Variants in TRHDE observed in about 807,000 individuals in gnomAD.
TRHDE encodes the protein thyrotropin releasing hormone degrading enzyme, also known as thyrotropin-releasing hormone-degrading ectoenzyme.
Under a neutral mutation model 125.7 loss-of-function variants are expected in TRHDE, and 72 were observed. That is an observed-to-expected ratio of 0.57 (90% CI 0.47 to 0.70). The LOEUF (loss-of-function observed/expected upper bound fraction) is 0.70. TRHDE is among the 30% of genes least tolerant of loss of function. The pLI, the probability that TRHDE is intolerant of heterozygous loss-of-function variation, is 0.00. For missense variants in TRHDE, 1,110 were observed against 1,327.1 expected, an observed-to-expected ratio of 0.84 and a Z score of 2.54; for synonymous variants, 509 against 509.1, an observed-to-expected ratio of 1.00 and a Z score of 0.00.
intron 6 of TRHDE, among the ~76,000 whole-genome samples, chr12:72,523,980 A>G (rs1868291235): frequency 1.3e-5 from 2 of 152,158 alleles, no homozygotes; most frequent in African/African-American, 4.8e-5. Flanking sequence ...GGTGATGATT[A>G]TTTACCTCAC....
intron 2 of TRHDE, among the ~76,000 whole-genome samples, chr12:72,357,854 T>C (rs1870891602): frequency 6.6e-6 from 1 of 151,420 alleles, no homozygotes; most frequent in Non-Finnish European, 1.5e-5. Flanking sequence ...CAATAAAATG[T>C]ATTTAAAAAA....
In TRHDE at chr12:72,359,416, A is replaced by G. The variant is rs563720273; in HGVS notation, c.1189-18579A>G. On this transcript the variant is annotated intron_variant, in intron 2 of 18. Coordinates refer to ENST00000261180, the MANE Select transcript of TRHDE (RefSeq NM_013381.3). ...CTAGAAATCCTTACTGAGACAAGCC[A>G]ATACAAAACAACACAGAAAAACTAT... Among the ~76,000 whole-genome samples the G allele has an allele frequency of 2.6e-5, 4 of 151,784 alleles. No homozygotes were observed. In the East Asian group the frequency reaches 5.9e-4, roughly 22 times the overall value.
At position 72,583,922 on chromosome 12, in the gene TRHDE, A is replaced by C. The variant is rs1227376883; in HGVS notation, c.2321+8380A>C. ...GGCTTGTGGCTCTAAAGGATGACAA[A>C]CTTTTTTTTTTTTTTTTTTTTTTTT... is the stretch of plus-strand genomic sequence containing the variant. On this transcript the variant is annotated intron_variant, in intron 12 of 18. Coordinates refer to ENST00000261180, the MANE Select transcript of TRHDE (RefSeq NM_013381.3). Among the ~76,000 whole-genome samples, 9 of 76,962 alleles carry C rather than the reference A, an allele frequency of 1.2e-4. 1 individual carries two copies. The highest frequency in any genetic ancestry group is 1.6e-4 in the Non-Finnish European group (7 of 44,910). 50.5% of individuals were successfully genotyped at this position (76,962 alleles called of 152,430 possible). A position where few individuals can be genotyped will look rare whatever the true frequency, so the allele number is the denominator to read the frequency against.
chr12:72,569,755 T>C (rs1053503151), intron 10 of TRHDE, among the ~76,000 whole-genome samples: 1 of 152,218 alleles, frequency 6.6e-6, no homozygotes, highest in African/African-American at 2.4e-5. Flanking sequence ...ATATGAAGCA[T>C]TGATAAGTAA....
intron 2 of TRHDE, among the ~76,000 whole-genome samples, chr12:72,369,056 A>C (rs1871459070): frequency 6.6e-6 from 1 of 152,194 alleles, no homozygotes. Flanking sequence ...TGAGATGACC[A>C]AAGGGGTTGA....
intron 6 of TRHDE, among the ~76,000 whole-genome samples, chr12:72,516,855 G>A (rs1279472128): frequency 1.3e-5 from 2 of 152,040 alleles, no homozygotes. Flanking sequence ...TTAGCATGAA[G>A]CGTTGTTGAA....
At chr12:72,540,062 T>G (rs1316538502) in intron 6 of TRHDE, among the ~76,000 whole-genome samples, 1 of 151,826 alleles carries the variant, frequency 6.6e-6, no homozygotes, top group African/African-American at 2.4e-5. Context: ...GGTTGTGATC[T>G]TTGTTATAAT....
At chr12:72,137,700 TCTC>T (rs1244314145) in intron 2 of TRHDE, 1 of 152,232 alleles carries the variant, frequency 6.6e-6, no homozygotes, top group South Asian at 2.1e-4. Flanking sequence ...TTAGAACTAT[TCTC>T]CTTCAGGAGA....
chr12:72,202,672 T>C (rs1431805939), intron 2 of TRHDE, among the ~76,000 whole-genome samples: 1 of 152,206 alleles, frequency 6.6e-6, no homozygotes, highest in Non-Finnish European at 1.5e-5. Context: ...CCTGTGGGAA[T>C]CTTGACCATT....
At chr12:72,583,300 C>G (rs989870562) in intron 12 of TRHDE, among the ~76,000 whole-genome samples, 2 of 152,232 alleles carry the variant, frequency 1.3e-5, no homozygotes, top group Admixed American at 1.3e-4. Flanking sequence ...TTGTTATCCT[C>G]TCAGCCTTTC....
intron 2 of TRHDE, among the ~76,000 whole-genome samples, chr12:72,332,150 T>A (rs1034823675): frequency 4.6e-5 from 7 of 151,952 alleles, no homozygotes; most frequent in African/African-American, 1.7e-4. Context: ...CAAACTCTTT[T>A]TTTTTTGAGA....
chr12:72,585,394 G>T (rs1247686899), intron 12 of TRHDE, among the ~76,000 whole-genome samples: 2 of 152,028 alleles, frequency 1.3e-5, no homozygotes, highest in African/African-American at 4.8e-5. Context: ...TGTTATTTTT[G>T]TTCGGTCCCT....
At chr12:72,183,453 C>T (rs538713532) in intron 2 of TRHDE, among the ~76,000 whole-genome samples, 5 of 151,944 alleles carry the variant, frequency 3.3e-5, no homozygotes, top group Admixed American at 1.3e-4. Flanking sequence ...GATATAATTC[C>T]CCAGAATTGC....
At chr12:72,573,136 T>A (rs1870825620) in intron 10 of TRHDE, among the ~76,000 whole-genome samples, 1 of 151,908 alleles carries the variant, frequency 6.6e-6, no homozygotes, top group Non-Finnish European at 1.5e-5. Context: ...GCCTTCAAGG[T>A]TGCTAAGGTT....
chr12:72,577,111 A>G (rs1871032404), intron 12 of TRHDE, among the ~76,000 whole-genome samples: 1 of 152,168 alleles, frequency 6.6e-6, no homozygotes, highest in Admixed American at 6.5e-5. Flanking sequence ...AGAAGTTTAG[A>G]GAGTCCAGCA....
upstream of TRHDE, among the ~76,000 whole-genome samples, chr12:72,269,009 T>A (rs985749463): frequency 6.6e-6 from 1 of 152,070 alleles, no homozygotes; most frequent in African/African-American, 2.4e-5. Flanking sequence ...ATTGGTAAAA[T>A]CAAACCTATC....
At chr12:72,097,688 C>A (rs1408087362) in intron 1 of TRHDE, among the ~76,000 whole-genome samples, 1 of 152,012 alleles carries the variant, frequency 6.6e-6, no homozygotes, top group Non-Finnish European at 1.5e-5. Flanking sequence ...TGGCCTCAAG[C>A]AATCCTCCTG....
chr12:72,519,949 G>A (rs1355008088), intron 6 of TRHDE, among the ~76,000 whole-genome samples: 1 of 152,186 alleles, frequency 6.6e-6, no homozygotes, highest in East Asian at 1.9e-4. Flanking sequence ...CAGTGAGGCT[G>A]TTTGGGGGTC....
At chr12:72,559,364 C>G (rs188933713) in intron 7 of TRHDE, among the ~76,000 whole-genome samples, 1 of 152,280 alleles carries the variant, frequency 6.6e-6, no homozygotes, top group African/African-American at 2.4e-5. Context: ...AGTTAAACAG[C>G]TTTCTAAAGC....
Sources: gnomAD v4.1 joint callset for allele counts (sites outside exome capture counted in the v4.1 genomes callset) on GRCh38, gnomAD v4.1.1 for gene constraint, MANE v1.5 for transcripts, NCBI Gene and HGNC (gene_info 2026-07-23, HGNC 2026-07-21) for gene names.